STK32B: variants seen among roughly 807,000 people sequenced by gnomAD.
The protein encoded by STK32B is serine/threonine-protein kinase 32B.
In STK32B, 43 loss-of-function variants were observed where a neutral mutation model predicts 52.6. That is an observed-to-expected ratio of 0.82 (90% CI 0.64 to 1.05). The LOEUF (loss-of-function observed/expected upper bound fraction) is 1.05, where lower values mean the gene tolerates loss of function less well. Ranked by LOEUF, STK32B falls within the 50% of genes least tolerant of loss-of-function variation. STK32B has a pLI of 0.00. For synonymous variants in STK32B, 238 were observed against 204.3 expected, an observed-to-expected ratio of 1.17 and a Z score of -1.41; for missense variants, 621 against 534.6, an observed-to-expected ratio of 1.16 and a Z score of -1.59.
At chr4:5,392,915 G>A (rs1176780267) in intron 4 of STK32B, among the ~76,000 whole-genome samples, 1 of 152,222 alleles carries the variant, frequency 6.6e-6, no homozygotes, top group Non-Finnish European at 1.5e-5. Flanking sequence ...GGGGGCTGCT[G>A]TTTGTACTTG....
intron 11 of STK32B, among the ~76,000 whole-genome samples, chr4:5,496,016 G>T (rs1280200171): frequency 1.3e-5 from 2 of 152,184 alleles, no homozygotes; most frequent in East Asian, 1.9e-4. Context: ...TAGGCTGCTC[G>T]GGGGCAGGGG....
intron 4 of STK32B, among the ~76,000 whole-genome samples, chr4:5,344,912 A>G (rs1049465884): frequency 2.0e-5 from 3 of 151,744 alleles, no homozygotes; most frequent in African/African-American, 4.8e-5. Context: ...CATGGCAAAA[A>G]CCCATCTCTA....
At chr4:5,143,500 G>C (rs569386566) in intron 2 of STK32B, among the ~76,000 whole-genome samples, 1 of 152,172 alleles carries the variant, frequency 6.6e-6, no homozygotes, top group Non-Finnish European at 1.5e-5. Context: ...GTCAGGAAGG[G>C]AGGATGTTCA....
Position 5,064,975 on chromosome 4 carries a change from G to T in STK32B, c.52+13060G>T, listed in dbSNP as rs76630657. ...TTTCAGTGACATTACACCCTCCAAG[G>T]TTGCCCCCTGCTTTTCTGGCTGTTC... On this transcript the variant is annotated intron_variant, in intron 1 of 11. Coordinates refer to ENST00000282908, the MANE Select transcript of STK32B (RefSeq NM_018401.3). Among the ~76,000 whole-genome samples the T allele has an allele frequency of 0.016, 2,459 of 151,320 alleles. 150 individuals carry two copies. In the East Asian group the frequency reaches 0.22, roughly 14 times the overall value.
intron 1 of STK32B, among the ~76,000 whole-genome samples, chr4:5,096,561 A>G (rs890113993): frequency 1.3e-5 from 2 of 152,172 alleles, no homozygotes; most frequent in Non-Finnish European, 2.9e-5. Context: ...TGGAAGGGCT[A>G]CATTATTTCT....
chr4:5,070,476 A>C (rs1017019006), intron 1 of STK32B, among the ~76,000 whole-genome samples: 7 of 152,154 alleles, frequency 4.6e-5, no homozygotes, highest in African/African-American at 1.7e-4. Context: ...AGGGGAAAAC[A>C]ATAAAAGTCC....
chr4:5,406,634 C>G (rs1385320280), intron 5 of STK32B, among the ~76,000 whole-genome samples: 5 of 152,164 alleles, frequency 3.3e-5, no homozygotes, highest in Admixed American at 3.3e-4. Context: ...TGGAAACTGC[C>G]AAGGCTTATG....
chr4:5,214,758 T>C (rs769035268), intron 3 of STK32B, among the ~76,000 whole-genome samples: 1 of 152,234 alleles, frequency 6.6e-6, no homozygotes, highest in African/African-American at 2.4e-5. Context: ...AGATACTGTA[T>C]ATACAGATTT....
At position 5,110,602 on chromosome 4, in the gene STK32B, G is replaced by A. The variant is rs115051511; in HGVS notation, c.53-29303G>A. Among the ~76,000 whole-genome samples the A allele has an allele frequency of 3.3e-3, 503 of 152,130 alleles. 7 individuals carry two copies. Among genetic ancestry groups the A allele is most frequent in the African/African-American group, 0.012 (479 of 41,480 alleles). ...CCCCTATCTCTTACCATATACAAAA[G>A]TTAACTCAACATGGATTAAAGACCT... On this transcript the variant is annotated intron_variant, in intron 1 of 11. Coordinates refer to ENST00000282908, the MANE Select transcript of STK32B (RefSeq NM_018401.3).
Position 5,403,106 on chromosome 4 carries a change from G to T in STK32B, c.472+4862G>T, listed in dbSNP as rs57833881. ...CTGAAGCTTTGGCCTCTGGAGCCTT[G>T]CTAAGCTGATGGACTGCCCTGCCCA... On this transcript the variant is annotated intron_variant, in intron 5 of 11. Transcript: ENST00000282908. Among the ~76,000 whole-genome samples the T allele has an allele frequency of 4.3e-3, 661 of 152,288 alleles. 6 individuals are homozygous for T. Among genetic ancestry groups the T allele is most frequent in the African/African-American group, 0.015 (643 of 41,546 alleles).
At chr4:5,210,662 G>A (rs1560228780) in intron 3 of STK32B, among the ~76,000 whole-genome samples, 2 of 152,146 alleles carry the variant, frequency 1.3e-5, no homozygotes, top group African/African-American at 4.8e-5. Context: ...CCTAGAGAAG[G>A]CATTGGCAGG....
rs995613037 is a variant in STK32B, at chr4:5,396,563, A to T, written c.435-1644A>T. 6.6e-6 allele frequency among the ~76,000 whole-genome samples: 1 copy of T among 151,586 alleles called. No individual in the cohort carries two copies. The highest frequency in any genetic ancestry group is 2.4e-5 in the African/African-American group (1 of 41,242). On this transcript the variant is annotated intron_variant, in intron 4 of 11. Transcript: ENST00000282908. This position sits in a 1 kb window ranked among gnomAD's most constrained non-coding sequence, Gnocchi z 4.7. Reference sequence around the variant, plus strand: ...GGGTCTGTCACCCCACCCTCACCTCACCTGTGTCCTGACTCTAACTCTATC... The same window carrying T: ...GGGTCTGTCACCCCACCCTCACCTCTCCTGTGTCCTGACTCTAACTCTATC...
chr4:5,439,103 T>C (rs1200844923), intron 6 of STK32B, among the ~76,000 whole-genome samples: 1 of 148,652 alleles, frequency 6.7e-6, no homozygotes, highest in Non-Finnish European at 1.5e-5. Context: ...TTTATAGTCC[T>C]TTGGGTATAT....
At chr4:5,263,902 C>T (rs897772317) in intron 3 of STK32B, among the ~76,000 whole-genome samples, 1 of 152,150 alleles carries the variant, frequency 6.6e-6, no homozygotes. Context: ...TTTGCCTATT[C>T]CAGAATTTTG....
intron 3 of STK32B, among the ~76,000 whole-genome samples, chr4:5,304,139 T>C (rs918342429): frequency 3.3e-5 from 5 of 152,172 alleles, no homozygotes; most frequent in African/African-American, 4.8e-5. Flanking sequence ...TCTTTTGGCT[T>C]AGTCTTGCTA....
intron 1 of STK32B, among the ~76,000 whole-genome samples, chr4:5,131,816 C>T (rs1303566786): frequency 6.6e-6 from 1 of 152,198 alleles, no homozygotes; most frequent in Non-Finnish European, 1.5e-5. Flanking sequence ...GCTCCTGCCC[C>T]CAACACAATC....
chr4:5,237,009 C>T (rs537619533), intron 3 of STK32B, among the ~76,000 whole-genome samples: 13 of 152,152 alleles, frequency 8.5e-5, no homozygotes, highest in African/African-American at 3.1e-4. Flanking sequence ...CCATTTGTCA[C>T]TGATTTTGCT....
intron 3 of STK32B, among the ~76,000 whole-genome samples, chr4:5,303,461 G>A (rs963039983): frequency 6.6e-6 from 1 of 151,988 alleles, no homozygotes; most frequent in Non-Finnish European, 1.5e-5. Context: ...TCACATGTTT[G>A]TTGGTCATTT....
chr4:5,444,840 A>T (rs1360999552), intron 6 of STK32B, among the ~76,000 whole-genome samples: 1 of 152,202 alleles, frequency 6.6e-6, no homozygotes, highest in Admixed American at 6.5e-5. Context: ...ACTTATCACT[A>T]ACAGGTAACT....
Sources: allele counts gnomAD v4.1 joint callset (sites outside exome capture counted in the v4.1 genomes callset), GRCh38; gene constraint gnomAD v4.1.1; non-coding constraint Gnocchi (gnomAD v3.1); transcripts MANE v1.5; gene names NCBI Gene and HGNC (gene_info 2026-07-23, HGNC 2026-07-21).